NLGN1: variants seen among roughly 807,000 people sequenced by gnomAD.
The protein encoded by NLGN1 is neuroligin-1.
NLGN1 carries 12 observed loss-of-function variants against 65.5 expected under a neutral mutation model. The ratio of observed to expected loss-of-function variants is 0.18; its 90% confidence interval spans 0.12 to 0.30. The LOEUF (loss-of-function observed/expected upper bound fraction) is 0.30, where lower values mean the gene tolerates loss of function less well. NLGN1 is among the 10% of genes least tolerant of loss of function. NLGN1 has a pLI of 1.00. For synonymous variants in NLGN1, 350 were observed against 359.5 expected, an observed-to-expected ratio of 0.97 and a Z score of 0.30; for missense variants, 750 against 1,007.1, an observed-to-expected ratio of 0.74 and a Z score of 3.46.
At chr3:173,595,975 G>A (rs1322686407) in intron 2 of NLGN1, among the ~76,000 whole-genome samples, 5 of 152,160 alleles carry the variant, frequency 3.3e-5, no homozygotes, top group African/African-American at 1.2e-4. Flanking sequence ...TGAGATTTGG[G>A]TGGGTACACA....
chr3:174,225,447 T>TC (rs1344993947), intron 4 of NLGN1, among the ~76,000 whole-genome samples: 1 of 152,072 alleles, frequency 6.6e-6, no homozygotes, highest in Admixed American at 6.5e-5. Context: ...ATTAGATTAT[T>TC]CTGGCCGGGC....
chr3:173,662,434 A>G (rs1221135990), intron 3 of NLGN1, among the ~76,000 whole-genome samples: 3 of 152,026 alleles, frequency 2.0e-5, no homozygotes, highest in South Asian at 2.1e-4. Context: ...TGAAATCTCA[A>G]TATCTGTTCA....
intron 4 of NLGN1, among the ~76,000 whole-genome samples, chr3:174,231,868 G>T (rs750041104): frequency 2.2e-4 from 34 of 152,236 alleles, no homozygotes; most frequent in Non-Finnish European, 3.8e-4. Context: ...GAATTATTTT[G>T]CCTTTCTAAG....
At chr3:173,967,123 A>G (rs967480574) in intron 4 of NLGN1, among the ~76,000 whole-genome samples, 7 of 152,202 alleles carry the variant, frequency 4.6e-5, no homozygotes, top group African/African-American at 1.2e-4. Context: ...TGGGCTAGAC[A>G]TGTATGGAAG....
chr3:173,712,096 G>T (rs1297885635), intron 3 of NLGN1, among the ~76,000 whole-genome samples: 1 of 152,154 alleles, frequency 6.6e-6, no homozygotes, highest in Non-Finnish European at 1.5e-5. Context: ...GAAATTCATG[G>T]ACATACTTCT....
At chr3:173,786,971 G>T (rs775877852) in intron 3 of NLGN1, among the ~76,000 whole-genome samples, 4 of 152,094 alleles carry the variant, frequency 2.6e-5, no homozygotes, top group Non-Finnish European at 5.9e-5. Context: ...CAGCTACTTG[G>T]GAGGCTGAGG....
At chr3:173,636,898 A>T (rs1380053159) in intron 3 of NLGN1, among the ~76,000 whole-genome samples, 1 of 152,184 alleles carries the variant, frequency 6.6e-6, no homozygotes, top group Non-Finnish European at 1.5e-5. Flanking sequence ...AAAAGAGGTC[A>T]AGAAAAGACA....
chr3:174,027,337 T>C (rs1047610843), intron 4 of NLGN1, among the ~76,000 whole-genome samples: 3 of 152,146 alleles, frequency 2.0e-5, no homozygotes, highest in African/African-American at 7.2e-5. Flanking sequence ...CGAATTTGTT[T>C]AGTTTGTCTT....
chr3:173,576,153 T>A (rs2149348065), intron 2 of NLGN1, among the ~76,000 whole-genome samples: 1 of 152,244 alleles, frequency 6.6e-6, no homozygotes, highest in African/African-American at 2.4e-5. Flanking sequence ...TTTGACATAT[T>A]GGGCTACATA....
chr3:173,843,994 G>A (rs1280023072), intron 4 of NLGN1, among the ~76,000 whole-genome samples: 1 of 152,166 alleles, frequency 6.6e-6, no homozygotes, highest in East Asian at 1.9e-4. Flanking sequence ...CACATGGCTG[G>A]GGAGGCCTCA....
intron 4 of NLGN1, among the ~76,000 whole-genome samples, chr3:174,182,724 A>G (rs1026784223): frequency 3.9e-4 from 60 of 152,298 alleles, no homozygotes; most frequent in African/African-American, 1.4e-3. Flanking sequence ...ATACAATGGA[A>G]AACTCTCCAT....
intron 4 of NLGN1, among the ~76,000 whole-genome samples, chr3:174,175,322 A>C (rs1729245811): frequency 6.6e-6 from 1 of 151,792 alleles, no homozygotes; most frequent in Admixed American, 6.6e-5. Context: ...TCCAGTGTTG[A>C]GTGTGTATAT....
chr3:173,396,895 T>TAGAG (rs1716715284), upstream of NLGN1, among the ~76,000 whole-genome samples: 2 of 152,156 alleles, frequency 1.3e-5, no homozygotes, highest in South Asian at 2.1e-4. Flanking sequence ...AATCGTCTAT[T>TAGAG]TGAGTTTAAA....
chr3:174,052,586 G>A (rs1017460592), intron 4 of NLGN1, among the ~76,000 whole-genome samples: 60 of 151,784 alleles, frequency 4.0e-4, no homozygotes, highest in African/African-American at 1.5e-3. Flanking sequence ...TTTAAATATG[G>A]CAATAAAAAT....
In NLGN1 at chr3:173,755,424, A is replaced by G. The variant is rs1776947976; in HGVS notation, c.494-52256A>G. 2.0e-5 allele frequency among the ~76,000 whole-genome samples: 3 copies of G among 152,132 alleles called. No individual in the cohort carries two copies. The South Asian group carries it at 6.2e-4, about 31-fold the overall frequency. On this transcript the variant is annotated intron_variant, in intron 3 of 6. Coordinates refer to ENST00000457714, the Ensembl canonical transcript of NLGN1. ...GCTGAGACATCAGTTTGCAATATCT[A>G]TATTTTTTAAAGGAAAGAAATATAA...
chr3:173,471,427 A>T (rs918782017), intron 2 of NLGN1, among the ~76,000 whole-genome samples: 1 of 152,058 alleles, frequency 6.6e-6, no homozygotes, highest in Non-Finnish European at 1.5e-5. Context: ...TTGTAGATAA[A>T]CCAACCCATT....
intron 1 of NLGN1, among the ~76,000 whole-genome samples, chr3:173,416,014 T>C (rs770440965): frequency 1.3e-4 from 19 of 151,692 alleles, no homozygotes; most frequent in Non-Finnish European, 2.5e-4. Flanking sequence ...CCAGGTGTGA[T>C]TATTGGTTGA....
chr3:173,782,465 G>A (rs537798906), intron 3 of NLGN1, among the ~76,000 whole-genome samples: 8 of 152,310 alleles, frequency 5.3e-5, no homozygotes, highest in South Asian at 2.1e-4. Context: ...TTGGTGAACT[G>A]ATAGTATGCT....
At chr3:173,836,928 G>T (rs969742805) in intron 4 of NLGN1, among the ~76,000 whole-genome samples, 6 of 152,130 alleles carry the variant, frequency 3.9e-5, no homozygotes, top group African/African-American at 1.4e-4. Flanking sequence ...ATATGTAATT[G>T]CTTCCTAAAT....
Sources: gnomAD v4.1 joint callset for allele counts (sites outside exome capture counted in the v4.1 genomes callset) on GRCh38, gnomAD v4.1.1 for gene constraint, MANE v1.5 for transcripts, NCBI Gene and HGNC (gene_info 2026-07-23, HGNC 2026-07-21) for gene names.